MREG: variants seen among roughly 807,000 people sequenced by gnomAD.
MREG encodes dilute suppressor protein homolog.
A neutral mutation model predicts 28.5 loss-of-function variants in MREG; 31 were observed. The ratio of observed to expected loss-of-function variants is 1.09; its 90% confidence interval spans 0.82 to 1.47. The LOEUF (loss-of-function observed/expected upper bound fraction) is 1.47, where lower values mean the gene tolerates loss of function less well. MREG is among the 40% of genes most tolerant of loss of function. The pLI, the probability that MREG is intolerant of heterozygous loss-of-function variation, is 0.00. For synonymous variants in MREG, 106 were observed against 95.2 expected (o/e 1.11, Z -0.66); for missense variants, 256 against 257.4 (o/e 0.99, Z 0.04).
At chr2:215,978,438 G>A (rs1053318828) in intron 2 of MREG, among the ~76,000 whole-genome samples, 2 of 152,068 alleles carry the variant, frequency 1.3e-5, no homozygotes, top group Admixed American at 6.6e-5. Context: ...ATTCACAGCC[G>A]AATTCTACCA....
At chr2:216,018,568 G>A (rs1453512964) in intron 1 of MREG, among the ~76,000 whole-genome samples, 3 of 152,160 alleles carry the variant, frequency 2.0e-5, no homozygotes, top group African/African-American at 4.8e-5. Flanking sequence ...AACAAGTAGC[G>A]TCTTCCTTAA....
intron 1 of MREG, among the ~76,000 whole-genome samples, chr2:216,007,443 ATTTT>A (rs1471757222): frequency 7.1e-6 from 1 of 141,760 alleles, no homozygotes; most frequent in Non-Finnish European, 1.6e-5. Context: ...TTATTTATTT[ATTTT>A]GAGATGGAGT....
chr2:215,978,807 G>A (rs1201705414), intron 2 of MREG, among the ~76,000 whole-genome samples: 2 of 152,142 alleles, frequency 1.3e-5, no homozygotes, highest in East Asian at 3.8e-4. Context: ...AACAGATGCA[G>A]AAAAGGCCTT....
At chr2:215,990,952 T>G (rs1693706468) in intron 2 of MREG, among the ~76,000 whole-genome samples, 1 of 152,114 alleles carries the variant, frequency 6.6e-6, no homozygotes, top group Admixed American at 6.5e-5. Context: ...AGCGGGAGAC[T>G]TTAACACCCC....
At chr2:215,975,518 C>G (rs1035212082) in intron 2 of MREG, among the ~76,000 whole-genome samples, 2 of 152,132 alleles carry the variant, frequency 1.3e-5, no homozygotes, top group African/African-American at 4.8e-5. Flanking sequence ...GCCACAGAAG[C>G]CAAGGAGCTG....
At chr2:215,969,624 G>A (rs1181333150) in intron 2 of MREG, among the ~76,000 whole-genome samples, 7 of 152,232 alleles carry the variant, frequency 4.6e-5, no homozygotes, top group South Asian at 4.1e-4. Context: ...TTTTATAACG[G>A]GCAATAATCC....
rs201879410 is a variant in MREG at position 215,974,844 on chromosome 2, ACACACACACT to A, written c.255+21452_255+21461del. On this transcript the variant is annotated intron_variant, in intron 2 of 4. Coordinates refer to ENST00000263268, the MANE Select transcript of MREG (RefSeq NM_018000.3). ...CACACAGACACACACACACACACACACACACACACTCTCTCTCTCTCTCTCTCTCTCCCTC... is the reference window on the plus strand; with the variant it reads ...CACACAGACACACACACACACACACACTCTCTCTCTCTCTCTCTCTCCCTC... 5.9e-3 allele frequency among the ~76,000 whole-genome samples: 872 copies of A among 147,268 alleles called. 6 individuals carry two copies. Among genetic ancestry groups the A allele is most frequent in the African/African-American group, 0.02 (806 of 39,874 alleles).
upstream of MREG, among the ~76,000 whole-genome samples, chr2:216,015,232 T>C (rs1180667985): frequency 1.3e-5 from 2 of 152,090 alleles, no homozygotes; most frequent in Admixed American, 6.6e-5. Flanking sequence ...GAGTGATGCC[T>C]GCACTTTTAA....
chr2:216,031,460 AAAGAAAGAAAGAAAG>A (rs1356759604), intron 1 of MREG, among the ~76,000 whole-genome samples: 3 of 131,862 alleles, frequency 2.3e-5, no homozygotes, highest in Non-Finnish European at 3.2e-5. Context: ...AGAAAGAGAG[AAAGAAAGAAAGAAAG>A]AGAAAGAAAG....
At chr2:216,018,192 C>G (rs1694473906), upstream of MREG, among the ~76,000 whole-genome samples, 1 of 152,082 alleles carries the variant, frequency 6.6e-6, no homozygotes, top group Admixed American at 6.6e-5. Context: ...AATGCCACAT[C>G]ATGAACACAT....
intron 1 of MREG, among the ~76,000 whole-genome samples, chr2:215,998,297 C>A (rs867984871): frequency 6.9e-6 from 1 of 145,280 alleles, no homozygotes; most frequent in Admixed American, 6.8e-5. Flanking sequence ...AAGAGCAAAA[C>A]TCCATCTCAC....
chr2:215,999,906 C>G (rs1693969918), intron 1 of MREG, among the ~76,000 whole-genome samples: 1 of 152,182 alleles, frequency 6.6e-6, no homozygotes, highest in Admixed American at 6.5e-5. Flanking sequence ...CGCAGCATTT[C>G]ATGGCATCAC....
chr2:216,016,470 T>C (rs1176388617), upstream of MREG, among the ~76,000 whole-genome samples: 1 of 152,204 alleles, frequency 6.6e-6, no homozygotes, highest in Non-Finnish European at 1.5e-5. Context: ...AATGGAGAAA[T>C]TGGAGCATTC....
chr2:216,027,119 C>T (rs757174663), intron 1 of MREG, among the ~76,000 whole-genome samples: 2 of 152,194 alleles, frequency 1.3e-5, no homozygotes, highest in Non-Finnish European at 2.9e-5. Flanking sequence ...TTTGCAAAGA[C>T]ACCCTCCAAA....
downstream of MREG, among the ~76,000 whole-genome samples, chr2:215,942,004 C>A (rs1008562172): frequency 2.0e-5 from 3 of 152,204 alleles, no homozygotes; most frequent in Non-Finnish European, 4.4e-5. Context: ...GGTGCCCTCT[C>A]ACCAATGCAT....
intron 2 of MREG, among the ~76,000 whole-genome samples, chr2:215,977,808 A>T (rs113601189): frequency 0.36 from 55,314 of 152,076 alleles, 11,677 homozygotes; most frequent in Admixed American, 0.46. Flanking sequence ...TGAAGGCAGA[A>T]ATAAATATAT....
intron 2 of MREG, among the ~76,000 whole-genome samples, chr2:215,963,243 T>G (rs544049131): frequency 2.0e-5 from 3 of 151,984 alleles, no homozygotes; most frequent in Non-Finnish European, 4.4e-5. Context: ...ATGGATCACT[T>G]GATCTCAGGA....
intron 2 of MREG, among the ~76,000 whole-genome samples, chr2:215,966,601 C>CTTTT (rs1052642780): frequency 7.3e-5 from 10 of 136,676 alleles, no homozygotes; most frequent in African/African-American, 1.9e-4. Context: ...AACATTTTCC[C>CTTTT]TTTTTTTTTT....
chr2:215,997,974 T>C (rs1693913384), intron 1 of MREG, among the ~76,000 whole-genome samples: 1 of 152,056 alleles, frequency 6.6e-6, no homozygotes, highest in African/African-American at 2.4e-5. Flanking sequence ...CCTAGAGTGA[T>C]GAGGTACAGG....
Sources: gnomAD v4.1 joint callset for allele counts (sites outside exome capture counted in the v4.1 genomes callset) on GRCh38, gnomAD v4.1.1 for gene constraint, MANE v1.5 for transcripts, NCBI Gene and HGNC (gene_info 2026-07-23, HGNC 2026-07-21) for gene names.